SH3TC2: variants seen among roughly 807,000 people sequenced by gnomAD.
SH3TC2 encodes the protein SH3 domain and tetratricopeptide repeat-containing protein 2.
In SH3TC2, 87 loss-of-function variants were observed where a neutral mutation model predicts 124.5. The ratio of observed to expected loss-of-function variants is 0.70; its 90% CI spans 0.59 to 0.84. The LOEUF (loss-of-function observed/expected upper bound fraction) is 0.84. Among genes scored for constraint, SH3TC2 ranks in the 40% least tolerant of loss-of-function variants. The pLI, the probability that SH3TC2 is intolerant of heterozygous loss-of-function variation, is 0.00. For missense variants in SH3TC2, 1,536 were observed against 1,566.4 expected (o/e 0.98, Z 0.33); for synonymous variants, 634 against 628.5 (o/e 1.01, Z -0.13).
At chr5:149,053,318 T>C (rs1017633035) in intron 1 of SH3TC2, among the ~76,000 whole-genome samples, 5 of 152,234 alleles carry the variant, frequency 3.3e-5, no homozygotes, top group African/African-American at 1.2e-4. Context: ...GTGTCTCCAC[T>C]CTGTGCCTAT....
intron 8 of SH3TC2, 79 bp from the exon 9 acceptor site, chr5:149,031,766 G>T: frequency 6.3e-7 from 1 of 1,581,414 alleles, no homozygotes; most frequent in Non-Finnish European, 8.6e-7. Flanking sequence ...ACACTAGGAT[G>T]TAGTGGAGGA....
Position 148,996,727 on chromosome 5 carries a change from T to C in SH3TC2, c.*7984A>G, listed in dbSNP as rs563750802. ...GAACAAACATCAGAAGTTCTCTATG[T>C]GCAAGAAAGTTCAATAACCAAAAAA... On this transcript the variant is annotated 3_prime_UTR_variant, in exon 17 of 17. Transcript: ENST00000515425. 6.6e-6 allele frequency among the ~76,000 whole-genome samples: 1 copy of C among 152,252 alleles called. No homozygotes were observed. Among genetic ancestry groups the C allele is most frequent in the Non-Finnish European group, 1.5e-5 (1 of 68,028 alleles).
chr5:149,015,728 T>C (rs536884492), intron 12 of SH3TC2, among the ~76,000 whole-genome samples: 2 of 152,316 alleles, frequency 1.3e-5, no homozygotes, highest in Non-Finnish European at 2.9e-5. Flanking sequence ...CACCCGCTGC[T>C]GGGGCTTCCC....
rs1469748448 is a variant in SH3TC2, at chr5:148,996,137, A to G, written c.*8574T>C. 2.6e-5 allele frequency among the ~76,000 whole-genome samples: 4 copies of G among 152,048 alleles called. No homozygotes were observed. The East Asian group carries it at 7.8e-4, about 29-fold the overall frequency. On this transcript the variant is annotated 3_prime_UTR_variant, in exon 17 of 17. Coordinates refer to ENST00000515425, the MANE Select transcript of SH3TC2 (RefSeq NM_024577.4). ...AGTGGTTGTACATGCCTGTAGTCCC[A>G]GCTACTCGGGAGGCTGAAGTGGGAG...
In SH3TC2 at chr5:148,990,586, C is replaced by T. The variant is rs1753405946; in HGVS notation, c.*14125G>A. ...CTGCTACTCACAAGCTATTGGACCT[C>T]AAACAAGTTACTGAACTTCTCCAAG... On this transcript the variant is annotated 3_prime_UTR_variant, in exon 17 of 17. Coordinates refer to ENST00000515425, the MANE Select transcript of SH3TC2 (RefSeq NM_024577.4). Among the ~76,000 whole-genome samples, 1 of 152,184 alleles carries T rather than the reference C, an allele frequency of 6.6e-6. No individual in the cohort carries two copies. The highest frequency in any genetic ancestry group is 1.5e-5 in the Non-Finnish European group (1 of 68,026).
chr5:149,000,880 A>G lies in SH3TC2; in HGVS notation c.*3831T>C, dbSNP rs1032146238. On this transcript the variant is annotated 3_prime_UTR_variant, in exon 17 of 17. Coordinates refer to ENST00000515425, the MANE Select transcript of SH3TC2 (RefSeq NM_024577.4). ...AAAAATATATTATTTCATCTCTCCA[A>G]TACTATTTCTCATCCTATTCATACA... 6.6e-6 allele frequency among the ~76,000 whole-genome samples: 1 copy of G among 152,218 alleles called. No individual in the cohort carries two copies. Among genetic ancestry groups the G allele is most frequent in the African/African-American group, 2.4e-5 (1 of 41,452 alleles).
intron 5 of SH3TC2, 21 bp downstream of exon 5, chr5:149,042,673 C>T: frequency 6.2e-7 from 1 of 1,613,936 alleles, no homozygotes; most frequent in African/African-American, 1.3e-5. Flanking sequence ...GATCCCATCT[C>T]TACCCCTATG....
intron 16 of SH3TC2, 116 bp downstream of exon 16, chr5:149,006,765 C>T (rs1753696244): frequency 9.4e-7 from 1 of 1,059,862 alleles, no homozygotes; most frequent in Non-Finnish European, 1.5e-6. Context: ...CAAGACTTCT[C>T]ATCTTGGCAC....
At chr5:149,062,269 A>G (rs1404494797) in intron 1 of SH3TC2, 1 of 508,648 alleles carries the variant, frequency 2.0e-6, no homozygotes, top group East Asian at 5.7e-5. Flanking sequence ...ACACAAGAGA[A>G]CACAGGGCCC....
At chr5:149,038,545 C>G in intron 7 of SH3TC2, 55 bp from the exon 8 acceptor site, 1 of 1,554,328 alleles carries the variant, frequency 6.4e-7, no homozygotes, top group East Asian at 2.2e-5. Flanking sequence ...CTGAGCCTCC[C>G]ATCACCTTCC....
chr5:149,044,386 C>T (rs1422526262), intron 4 of SH3TC2, 147 bp downstream of exon 4: 2 of 664,032 alleles, frequency 3.0e-6, no homozygotes, highest in African/African-American at 3.6e-5. Flanking sequence ...GTTTGAGGCA[C>T]TTTGTGAAAT....
At chr5:149,010,739 A>G (rs544323900) in intron 13 of SH3TC2, among the ~76,000 whole-genome samples, 1 of 152,338 alleles carries the variant, frequency 6.6e-6, no homozygotes, top group African/African-American at 2.4e-5. Context: ...TATTGTGTAG[A>G]ATAAGGCTAA....
intron 12 of SH3TC2, among the ~76,000 whole-genome samples, chr5:149,025,245 A>C (rs1754044002): frequency 6.6e-6 from 1 of 152,154 alleles, no homozygotes; most frequent in Non-Finnish European, 1.5e-5. Context: ...GAAGGCAAAG[A>C]CAGCAGGAGG....
At chr5:149,055,620 T>TG (rs1020449567) in intron 1 of SH3TC2, among the ~76,000 whole-genome samples, 7 of 152,344 alleles carry the variant, frequency 4.6e-5, no homozygotes, top group Middle Eastern at 3.4e-3. Context: ...CTTGGAAAGC[T>TG]GACAGTGTCA....
At chr5:149,023,740 G>A (rs191102896) in intron 12 of SH3TC2, among the ~76,000 whole-genome samples, 8 of 151,926 alleles carry the variant, frequency 5.3e-5, no homozygotes, top group African/African-American at 1.9e-4. Flanking sequence ...CCACCACCAT[G>A]CCTGGCTAAC....
Position 148,998,202 on chromosome 5 carries a change from G to A in SH3TC2, c.*6509C>T, listed in dbSNP as rs1043065741. On this transcript the variant is annotated 3_prime_UTR_variant, in exon 17 of 17. Transcript: ENST00000515425. ...TGCATATGCACAAACATATGCACAC[G>A]AGGATAAACCATAAAATGCATTTCT... Among the ~76,000 whole-genome samples the A allele has an allele frequency of 6.6e-5, 10 of 152,172 alleles. No individual in the cohort carries two copies. The highest frequency in any genetic ancestry group is 3.3e-4 in the Admixed American group (5 of 15,274).
In SH3TC2 at chr5:148,985,146, G is replaced by GAA. The variant is rs5872105; in HGVS notation, c.*19563_*19564dup. On this transcript the variant is annotated 3_prime_UTR_variant, in exon 17 of 17. Coordinates refer to ENST00000515425, the MANE Select transcript of SH3TC2 (RefSeq NM_024577.4). ...TGAATAAGAATGAGCTACTTTTCTG[G>GAA]AAAAAAAAAAAACTATTCACTCAAA... Among the ~76,000 whole-genome samples the GAA allele has an allele frequency of 3.9e-3, 581 of 148,674 alleles. 2 individuals are homozygous for GAA. The highest frequency in any genetic ancestry group is 0.023 in the East Asian group (118 of 5,112).
At chr5:149,015,578 C>A (rs1753857433) in intron 12 of SH3TC2, among the ~76,000 whole-genome samples, 2 of 152,196 alleles carry the variant, frequency 1.3e-5, no homozygotes, top group South Asian at 4.1e-4. Context: ...AATCTTGACT[C>A]TTCTCTTTCT....
At chr5:149,016,184 T>C (rs992686922) in intron 12 of SH3TC2, among the ~76,000 whole-genome samples, 4 of 152,192 alleles carry the variant, frequency 2.6e-5, no homozygotes, top group Non-Finnish European at 4.4e-5. Context: ...ATTATCATAT[T>C]CATTTTACTA....
Sources: allele counts gnomAD v4.1 joint callset (sites outside exome capture counted in the v4.1 genomes callset), GRCh38; gene constraint gnomAD v4.1.1; transcripts MANE v1.5; gene names NCBI Gene and HGNC (gene_info 2026-07-23, HGNC 2026-07-21).